The following ZDHHC3 variants were observed in gnomAD, a reference collection of about 807,000 sequenced individuals.
ZDHHC3 encodes zDHHC palmitoyltransferase 3.
Under a neutral mutation model 30.6 loss-of-function variants are expected in ZDHHC3, and 9 were observed. The observed-to-expected ratio is 0.29, with a 90% CI of 0.18 to 0.51. ZDHHC3 has a LOEUF of 0.51. Ranked by LOEUF, ZDHHC3 falls within the 20% of genes least tolerant of loss-of-function variation. The pLI, the probability that ZDHHC3 is intolerant of heterozygous loss-of-function variation, is 0.97. For missense variants in ZDHHC3, 246 were observed against 384.2 expected (o/e 0.64, Z 3.01); for synonymous variants, 136 against 140.2 (o/e 0.97, Z 0.21).
rs746345341 is a variant in ZDHHC3 at position 44,933,973 on chromosome 3, C to T, written c.443G>A (p.Arg148Gln). The T allele has an allele frequency of 9.9e-6, 16 of 1,614,154 alleles. No individual in the cohort carries two copies. Among genetic ancestry groups the T allele is most frequent in the Non-Finnish European group, 1.2e-5 (14 of 1,180,032 alleles). ...GTGGTGGTCCATCTTCCGAATGCAC[C>T]GCTTACAAACACTGAAACAGCCCAC... Reference protein sequence around the residue: ...DRAHHCSVCKRCIRKMDHHCP... With the variant: ...DRAHHCSVCKQCIRKMDHHCP... The change falls in exon 4 of 7, where the codon CGG (arginine) becomes CAG (glutamine). Residue 148 changes from arginine to glutamine, a missense_variant. Transcript: ENST00000424952.
chr3:44,933,179 G>A lies in ZDHHC3; in HGVS notation c.549C>T (p.Ser183=), dbSNP rs1218338209. ...VLFTMYIALI[S]LHALIMVGFH... ...ATCCCACCATGATGAGGGCGTGCAA[G>A]GAAATGAGAGCTATGTACATCTGAA... Residue 183 remains serine (S), a synonymous_variant, in exon 5 of 7, where the codon TCC becomes TCT. Coordinates refer to ENST00000424952, the MANE Select transcript of ZDHHC3 (RefSeq NM_001135179.2). 1.9e-6 allele frequency: 3 copies of A among 1,614,178 alleles called. No individual in the cohort carries two copies. Among genetic ancestry groups the A allele is most frequent in the Non-Finnish European group, 2.5e-6 (3 of 1,180,026 alleles).
At position 44,923,894 on chromosome 3, in the gene ZDHHC3, T is replaced by C; in HGVS notation, c.*2795A>G. The C allele has an allele frequency of 1.0e-6, 1 of 985,482 alleles. No individual in the cohort carries two copies. The highest frequency in any genetic ancestry group is 4.7e-5 in the South Asian group (1 of 21,288). 61.0% of individuals were successfully genotyped at this position (985,482 alleles called of 1,614,324 possible). ...TGCACTTCTACCCAAATGTGTTTTG[T>C]GTACATGATATTACCAAGCCCATGC... On this transcript the variant is annotated 3_prime_UTR_variant, in exon 7 of 7. Transcript: ENST00000424952.
rs114050471 is a variant in ZDHHC3, at chr3:44,955,100, T to C, written c.306+4031A>G. On this transcript the variant is annotated intron_variant, in intron 2 of 6. Transcript: ENST00000424952. ...CAGGAGACCAAACATGAGCCTGACT[T>C]GTGCTCCTGCCCACACCCATGCTGC... Among the ~76,000 whole-genome samples the C allele has an allele frequency of 9.1e-3, 1,390 of 152,272 alleles. 20 individuals carry two copies. Among genetic ancestry groups the C allele is most frequent in the African/African-American group, 0.029 (1,218 of 41,556 alleles).
In ZDHHC3 at chr3:44,946,793, G is replaced by T. The variant is rs879352427; in HGVS notation, c.307-1501C>A. On this transcript the variant is annotated intron_variant, in intron 2 of 6. Coordinates refer to ENST00000424952, the MANE Select transcript of ZDHHC3 (RefSeq NM_001135179.2). ...AGAATATCAGTGTGCTGAACTGTGCGTATGCAGTGTCAGCGGGGAGGCCGG... is the reference window on the plus strand; with the variant it reads ...AGAATATCAGTGTGCTGAACTGTGCTTATGCAGTGTCAGCGGGGAGGCCGG... Among the ~76,000 whole-genome samples, 3 of 152,196 alleles carry T rather than the reference G, an allele frequency of 2.0e-5. No homozygotes were observed. In the East Asian group the frequency reaches 5.8e-4, roughly 29 times the overall value.
intron 4 of ZDHHC3, 175 bp from the exon 5 acceptor site, chr3:44,933,374 G>T: frequency 1.6e-6 from 1 of 630,378 alleles, no homozygotes. Context: ...CTACCCACCA[G>T]CCCTGGGTCA....
chr3:44,947,801 G>C (rs562605905), intron 2 of ZDHHC3, among the ~76,000 whole-genome samples: 11 of 152,314 alleles, frequency 7.2e-5, no homozygotes, highest in African/African-American at 2.6e-4. Context: ...GGTCTACCTT[G>C]ATCAGCACCA....
rs138423882 is a variant in ZDHHC3 at position 44,952,722 on chromosome 3, G to A, written c.306+6409C>T. On this transcript the variant is annotated intron_variant, in intron 2 of 6. Coordinates refer to ENST00000424952, the MANE Select transcript of ZDHHC3 (RefSeq NM_001135179.2). ...TTAAGCACCAACCAAACCCTCACCC[G>A]CTCCAACTTGCCAGGCACCTCCTTG... Among the ~76,000 whole-genome samples, 83 of 152,182 alleles carry A rather than the reference G, an allele frequency of 5.5e-4. 5 individuals carry two copies. The East Asian group carries it at 0.014, about 26-fold the overall frequency.
At chr3:44,954,847 T>C (rs1703789155) in intron 2 of ZDHHC3, among the ~76,000 whole-genome samples, 1 of 151,736 alleles carries the variant, frequency 6.6e-6, no homozygotes, top group African/African-American at 2.4e-5. Context: ...CTGAGGGAGC[T>C]CAGAGAATGA....
At chr3:44,947,616 C>A (rs1703062552) in intron 2 of ZDHHC3, among the ~76,000 whole-genome samples, 1 of 152,204 alleles carries the variant, frequency 6.6e-6, no homozygotes, top group Admixed American at 6.5e-5. Context: ...GGTGTTGGCA[C>A]CAATGCTGCA....
chr3:44,930,043 A>G (rs1701357327), intron 5 of ZDHHC3, among the ~76,000 whole-genome samples: 1 of 152,218 alleles, frequency 6.6e-6, no homozygotes, highest in Non-Finnish European at 1.5e-5. Flanking sequence ...GGACATTTGC[A>G]GCACCGAGGC....
chr3:44,960,595 T>C (rs1011905104), intron 1 of ZDHHC3, among the ~76,000 whole-genome samples: 2 of 152,232 alleles, frequency 1.3e-5, no homozygotes, highest in South Asian at 2.1e-4. Flanking sequence ...CTTACCCTCT[T>C]TGGCCTGTTG....
At chr3:44,928,885 G>A (rs1169914033) in intron 6 of ZDHHC3, among the ~76,000 whole-genome samples, 1 of 152,186 alleles carries the variant, frequency 6.6e-6, no homozygotes, top group African/African-American at 2.4e-5. Flanking sequence ...CCCAGGCATG[G>A]CTGGCAAGCT....
Position 44,919,677 on chromosome 3 carries a change from G to C in ZDHHC3, c.*7012C>G, listed in dbSNP as rs1055446807. On this transcript the variant is annotated 3_prime_UTR_variant, in exon 7 of 7. Coordinates refer to ENST00000424952, the MANE Select transcript of ZDHHC3 (RefSeq NM_001135179.2). The stretch of plus-strand genomic sequence containing the variant: ...GTTAATGGGACAACTGGAGAAATGT[G>C]AATAAGGTACATACATTAGTTAAGG... Among the ~76,000 whole-genome samples the C allele has an allele frequency of 6.6e-6, 1 of 152,200 alleles. No individual in the cohort carries two copies. Among genetic ancestry groups the C allele is most frequent in the Non-Finnish European group, 1.5e-5 (1 of 68,034 alleles).
At position 44,916,572 on chromosome 3, in the gene ZDHHC3, T is replaced by C. The variant is rs961019374; in HGVS notation, c.*10117A>G. 4 of 152,392 alleles carry C rather than the reference T, an allele frequency of 2.6e-5. No homozygotes were observed. In the East Asian group the frequency reaches 7.7e-4, roughly 29 times the overall value. The allele number at this position is 152,392 out of a possible 1,614,324, so 9.4% of individuals were successfully genotyped here. On this transcript the variant is annotated 3_prime_UTR_variant, in exon 7 of 7. Transcript: ENST00000424952. The stretch of plus-strand genomic sequence containing the variant: ...TGCTGAGTGCCTGTGCTCCTGCCAA[T>C]CCTGACGCCAGTAGACGCTGGGGAA...
intron 3 of ZDHHC3, among the ~76,000 whole-genome samples, chr3:44,934,555 A>G (rs1701778117): frequency 7.1e-6 from 1 of 141,134 alleles, no homozygotes; most frequent in Admixed American, 7.4e-5. Flanking sequence ...TGGCTCTAAG[A>G]TGACATCCAT....
At chr3:44,970,782 T>G (rs544204810) in intron 1 of ZDHHC3, among the ~76,000 whole-genome samples, 79 of 152,328 alleles carry the variant, frequency 5.2e-4, no homozygotes, top group African/African-American at 1.9e-3. Flanking sequence ...GAAAAAGCAC[T>G]AGCAAAATAT....
intron 1 of ZDHHC3, among the ~76,000 whole-genome samples, chr3:44,965,542 T>C (rs1704869381): frequency 6.6e-6 from 1 of 152,118 alleles, no homozygotes; most frequent in Non-Finnish European, 1.5e-5. Context: ...TGTTGACTGC[T>C]AGTGATGGGC....
chr3:44,964,859 T>C (rs1704798535), intron 1 of ZDHHC3, among the ~76,000 whole-genome samples: 1 of 152,218 alleles, frequency 6.6e-6, no homozygotes, highest in Non-Finnish European at 1.5e-5. Flanking sequence ...TTTTATAGCA[T>C]TAAAAAGAGT....
chr3:44,916,993 T>A lies in ZDHHC3; in HGVS notation c.*9696A>T, dbSNP rs75854079. On this transcript the variant is annotated 3_prime_UTR_variant, in exon 7 of 7. Coordinates refer to ENST00000424952, the MANE Select transcript of ZDHHC3 (RefSeq NM_001135179.2). ...GGGTTTATGGTCAGTTCTACCTACATGTGTTATTAGACTCCCTCCAAGAGG... is the reference window on the plus strand; with the variant it reads ...GGGTTTATGGTCAGTTCTACCTACAAGTGTTATTAGACTCCCTCCAAGAGG... 11 of 152,326 alleles carry A rather than the reference T, an allele frequency of 7.2e-5. No homozygotes were observed. In the East Asian group the frequency reaches 2.1e-3, roughly 29 times the overall value. The allele number at this position is 152,326 out of a possible 1,614,324, so 9.4% of individuals were successfully genotyped here. A position where few individuals can be genotyped will look rare whatever the true frequency, so the allele number is the denominator to read the frequency against.
Sources: gnomAD v4.1 joint callset for allele counts (sites outside exome capture counted in the v4.1 genomes callset) on GRCh38, gnomAD v4.1.1 for gene constraint, MANE v1.5 for transcripts, NCBI Gene and HGNC (gene_info 2026-07-23, HGNC 2026-07-21) for gene names.